The following CDH18 variants were observed in gnomAD, a reference collection of about 807,000 sequenced individuals.
CDH18 encodes the protein cadherin 18.
A neutral mutation model predicts 67.9 loss-of-function variants in CDH18; 31 were observed. The ratio of observed to expected loss-of-function variants is 0.46; its 90% confidence interval spans 0.34 to 0.62. The LOEUF (loss-of-function observed/expected upper bound fraction) is 0.62. Ranked by LOEUF, CDH18 falls within the 20% of genes least tolerant of loss-of-function variation. The pLI is 0.01. For missense variants in CDH18, 890 were observed against 975.5 expected (o/e 0.91, Z 1.17); for synonymous variants, 362 against 347.2 (o/e 1.04, Z -0.48).
chr5:20,241,057 C>A (rs997207029), intron 2 of CDH18, among the ~76,000 whole-genome samples: 1 of 151,810 alleles, frequency 6.6e-6, no homozygotes, highest in Non-Finnish European at 1.5e-5. Context: ...AGCATTTATC[C>A]TCATTTCAAA....
At chr5:20,153,223 C>G (rs553279857) in intron 2 of CDH18, among the ~76,000 whole-genome samples, 2 of 151,912 alleles carry the variant, frequency 1.3e-5, no homozygotes, top group African/African-American at 4.8e-5. Flanking sequence ...GGAATCTTAA[C>G]GGTTAGCCAG....
At chr5:19,633,926 C>G (rs951825438) in intron 5 of CDH18, among the ~76,000 whole-genome samples, 1 of 152,202 alleles carries the variant, frequency 6.6e-6, no homozygotes, top group African/African-American at 2.4e-5. Context: ...GCCACCATTC[C>G]TGGCCACTGC....
chr5:20,205,282 A>C (rs186630133), intron 2 of CDH18, among the ~76,000 whole-genome samples: 4 of 152,110 alleles, frequency 2.6e-5, no homozygotes, highest in Admixed American at 1.3e-4. Flanking sequence ...ACCAAGAGAC[A>C]ATGAAAGTCA....
In CDH18 at chr5:19,794,017, A is replaced by G. The variant is rs1246418044; in HGVS notation, c.228+44742T>C. On this transcript the variant is annotated intron_variant, in intron 3 of 12. Transcript: ENST00000382275. ...GAAATACCCTCTTGAAAAATATTTG[A>G]TTATTTATGAATTAAATAATTAATA... Among the ~76,000 whole-genome samples, 8 of 152,230 alleles carry G rather than the reference A, an allele frequency of 5.3e-5. No homozygotes were observed. In the East Asian group the frequency reaches 1.5e-3, roughly 29 times the overall value.
At chr5:20,419,688 A>T (rs1007142098) in intron 1 of CDH18, among the ~76,000 whole-genome samples, 1 of 150,356 alleles carries the variant, frequency 6.7e-6, no homozygotes, top group African/African-American at 2.5e-5. Flanking sequence ...CCTGTTAGCC[A>T]GGATGGTCTC....
intron 2 of CDH18, among the ~76,000 whole-genome samples, chr5:20,023,393 T>C (rs1386926962): frequency 6.6e-6 from 1 of 152,142 alleles, no homozygotes; most frequent in African/African-American, 2.4e-5. Flanking sequence ...AAATCCACTC[T>C]AGCTAGTTAA....
chr5:19,664,986 A>G (rs1005177345), intron 5 of CDH18, among the ~76,000 whole-genome samples: 2 of 152,034 alleles, frequency 1.3e-5, no homozygotes, highest in African/African-American at 4.8e-5. Flanking sequence ...AACATAAGCA[A>G]GATGACTTCC....
chr5:20,469,437 A>G (rs903701905), intron 1 of CDH18, among the ~76,000 whole-genome samples: 1 of 152,168 alleles, frequency 6.6e-6, no homozygotes, highest in African/African-American at 2.4e-5. Flanking sequence ...CTCATTCCCT[A>G]GAGATTGCCA....
At position 19,811,148 on chromosome 5, in the gene CDH18, AAGAAAGAAAGAAGGAG is replaced by A. The variant is rs1450815938; in HGVS notation, c.228+27595_228+27610del. Among the ~76,000 whole-genome samples the A allele has an allele frequency of 1.9e-3, 130 of 69,202 alleles. 8 individuals carry two copies. The highest frequency in any genetic ancestry group is 7.2e-3 in the African/African-American group (114 of 15,758). The allele number at this position is 69,202 out of a possible 152,430, so 45.4% of individuals were successfully genotyped here. A position where few individuals can be genotyped will look rare whatever the true frequency, so the allele number is the denominator to read the frequency against. On this transcript the variant is annotated intron_variant, in intron 3 of 12. Coordinates refer to ENST00000382275, the MANE Select transcript of CDH18 (RefSeq NM_004934.5). ...AAAGAAAGAAAGAAAGAAAGAAAGA[AAGAAAGAAAGAAGGAG>A]AGAAAGAAAGAGAAGAAAGAGGGAG...
chr5:20,193,661 T>C (rs963219685), intron 2 of CDH18, among the ~76,000 whole-genome samples: 2 of 152,026 alleles, frequency 1.3e-5, no homozygotes, highest in Non-Finnish European at 2.9e-5. Flanking sequence ...GAAAACTTAA[T>C]GCCAATATCC....
intron 1 of CDH18, among the ~76,000 whole-genome samples, chr5:20,470,222 G>A (rs1388614784): frequency 6.6e-6 from 1 of 151,968 alleles, no homozygotes; most frequent in Non-Finnish European, 1.5e-5. Context: ...ACATTCCATG[G>A]TAAGGTGTTT....
chr5:20,217,412 CTTGT>C lies in CDH18; in HGVS notation c.-518+38028_-518+38031del, dbSNP rs1029870242. Reference sequence around the variant, plus strand: ...AACAGAGAGTTTTATTAGTTGTCTCCTTGTTTGTTTGTTTATTAATCAGTGTTAA... The same window carrying C: ...AACAGAGAGTTTTATTAGTTGTCTCCTTGTTTGTTTATTAATCAGTGTTAA... On this transcript the variant is annotated intron_variant, in intron 2 of 14. Transcript: ENST00000507958. Among the ~76,000 whole-genome samples the C allele has an allele frequency of 3.0e-4, 46 of 151,800 alleles. 1 individual carries two copies. Among genetic ancestry groups the C allele is most frequent in the African/African-American group, 1.0e-3 (42 of 41,484 alleles).
At chr5:20,469,332 A>G (rs1751886459) in intron 1 of CDH18, among the ~76,000 whole-genome samples, 1 of 147,600 alleles carries the variant, frequency 6.8e-6, no homozygotes, top group Admixed American at 7.0e-5. Flanking sequence ...GACGTTCAAT[A>G]TGTTTAAAAA....
intron 1 of CDH18, among the ~76,000 whole-genome samples, chr5:20,426,131 T>C (rs1748284619): frequency 6.6e-6 from 1 of 151,264 alleles, no homozygotes; most frequent in Admixed American, 6.6e-5. Flanking sequence ...CCATCACTTA[T>C]TGTGTGACCT....
At chr5:20,290,241 A>C (rs957501725) in intron 1 of CDH18, among the ~76,000 whole-genome samples, 3 of 152,102 alleles carry the variant, frequency 2.0e-5, no homozygotes, top group Middle Eastern at 3.2e-3. Flanking sequence ...GTGTTTTAGC[A>C]AGCTCTCCAG....
At chr5:19,765,797 A>G (rs1333353367) in intron 3 of CDH18, among the ~76,000 whole-genome samples, 1 of 152,174 alleles carries the variant, frequency 6.6e-6, no homozygotes, top group African/African-American at 2.4e-5. Flanking sequence ...CCACATTGAA[A>G]TAAAAATCCT....
intron 1 of CDH18, chr5:20,305,648 GT>G: frequency 4.6e-6 from 2 of 438,628 alleles, no homozygotes; most frequent in Non-Finnish European, 8.4e-6. Flanking sequence ...TGTCCGGGGG[GT>G]GGGGGGAGCG....
intron 7 of CDH18, among the ~76,000 whole-genome samples, chr5:19,573,980 T>C (rs914027192): frequency 1.3e-5 from 2 of 152,204 alleles, no homozygotes; most frequent in Non-Finnish European, 2.9e-5. Context: ...TTACATACTT[T>C]TCTAGGAATG....
Position 19,591,256 on chromosome 5 carries a change from T to C in CDH18, c.812-12A>G, listed in dbSNP as rs1212878133. The C allele has an allele frequency of 6.5e-7, 1 of 1,542,914 alleles. No homozygotes were observed. The highest frequency in any genetic ancestry group is 8.8e-7 in the Non-Finnish European group (1 of 1,141,542). ...TAGCTGATAGTGTTCTGGAAGACAT[T>C]TCATATTAAACATATTTAAATACAA... On this transcript the variant is annotated splice_polypyrimidine_tract_variant and intron_variant, in intron 6 of 12. Transcript: ENST00000382275.
Sources: allele counts gnomAD v4.1 joint callset (sites outside exome capture counted in the v4.1 genomes callset), GRCh38; gene constraint gnomAD v4.1.1; transcripts MANE v1.5; gene names NCBI Gene and HGNC (gene_info 2026-07-23, HGNC 2026-07-21).